The following AP1S3 variants were observed in gnomAD, a reference collection of about 807,000 sequenced individuals.
AP1S3 encodes AP-1 complex subunit sigma-3.
In AP1S3, 10 loss-of-function variants were observed where a neutral mutation model predicts 20.9. The ratio of observed to expected loss-of-function variants is 0.48; its 90% CI spans 0.29 to 0.81. The LOEUF (loss-of-function observed/expected upper bound fraction) is 0.81, where lower values mean the gene tolerates loss of function less well. Among genes scored for constraint, AP1S3 ranks in the 30% least tolerant of loss-of-function variants. The pLI, the probability that AP1S3 is intolerant of heterozygous loss-of-function variation, is 0.08. For missense variants in AP1S3, 154 were observed against 183.8 expected (o/e 0.84, Z 0.94); for synonymous variants, 41 against 61.5 (o/e 0.67, Z 1.56).
intron 1 of AP1S3, among the ~76,000 whole-genome samples, chr2:223,789,376 C>A (rs2176628): frequency 0.12 from 17,678 of 151,790 alleles, 1,313 homozygotes; most frequent in East Asian, 0.25. Flanking sequence ...GGACCCCCCC[C>A]AAAAAAATAG....
chr2:223,770,499 C>CACACACAT (rs1376716319), intron 3 of AP1S3, among the ~76,000 whole-genome samples: 1 of 147,684 alleles, frequency 6.8e-6, no homozygotes, highest in Non-Finnish European at 1.5e-5. Flanking sequence ...AGAGACAATA[C>CACACACAT]ACACACACAC....
At chr2:223,829,969 C>T (rs1692221834) in intron 1 of AP1S3, among the ~76,000 whole-genome samples, 1 of 152,144 alleles carries the variant, frequency 6.6e-6, no homozygotes, top group Non-Finnish European at 1.5e-5. Flanking sequence ...AAAATATTTA[C>T]TATCTGGCCT....
chr2:223,814,142 C>T (rs1691794258), intron 1 of AP1S3, among the ~76,000 whole-genome samples: 1 of 152,182 alleles, frequency 6.6e-6, no homozygotes, highest in Non-Finnish European at 1.5e-5. Flanking sequence ...ATACCAGTGG[C>T]TTCCGAAAAT....
chr2:223,770,531 C>CACACACACA (rs3220046), intron 3 of AP1S3, among the ~76,000 whole-genome samples: 2 of 147,368 alleles, frequency 1.4e-5, no homozygotes, highest in African/African-American at 2.6e-5. Flanking sequence ...CACACACACA[C>CACACACACA]CCCTTGATAT....
intron 1 of AP1S3, among the ~76,000 whole-genome samples, chr2:223,814,706 A>C (rs1320458699): frequency 1.3e-5 from 2 of 152,238 alleles, no homozygotes; most frequent in African/African-American, 4.8e-5. Context: ...TTAAACTAAA[A>C]AATATGACAG....
At chr2:223,824,199 T>C (rs1364507345) in intron 1 of AP1S3, among the ~76,000 whole-genome samples, 2 of 151,930 alleles carry the variant, frequency 1.3e-5, no homozygotes, top group Non-Finnish European at 2.9e-5. Flanking sequence ...GATGGGGTTT[T>C]GCCATATTGC....
chr2:223,830,184 A>G (rs1692227189), intron 1 of AP1S3, among the ~76,000 whole-genome samples: 1 of 152,158 alleles, frequency 6.6e-6, no homozygotes, highest in African/African-American at 2.4e-5. Flanking sequence ...TGTTAATACA[A>G]AAATATTTTC....
chr2:223,768,569 C>A (rs1035456911), intron 3 of AP1S3, among the ~76,000 whole-genome samples: 1 of 152,010 alleles, frequency 6.6e-6, no homozygotes, highest in African/African-American at 2.4e-5. Flanking sequence ...TAAGTAGAGG[C>A]CTTGTCTGGG....
At chr2:223,800,465 G>A (rs1480156516) in intron 1 of AP1S3, among the ~76,000 whole-genome samples, 1 of 152,018 alleles carries the variant, frequency 6.6e-6, no homozygotes, top group African/African-American at 2.4e-5. Flanking sequence ...CTGAGTTCAA[G>A]GCTGCAATGA....
intron 1 of AP1S3, among the ~76,000 whole-genome samples, chr2:223,791,516 T>C (rs1417406737): frequency 1.3e-5 from 2 of 152,126 alleles, no homozygotes; most frequent in Non-Finnish European, 2.9e-5. Flanking sequence ...ATAAACTAGA[T>C]ATTGAAGGAA....
intron 1 of AP1S3, among the ~76,000 whole-genome samples, chr2:223,822,196 C>A (rs1692002999): frequency 1.3e-5 from 2 of 151,770 alleles, no homozygotes; most frequent in African/African-American, 4.8e-5. Flanking sequence ...TCAAGACCAG[C>A]CTGGGCAATA....
intron 1 of AP1S3, among the ~76,000 whole-genome samples, chr2:223,781,302 C>T (rs1333925383): frequency 6.6e-6 from 1 of 151,886 alleles, no homozygotes; most frequent in African/African-American, 2.4e-5. Flanking sequence ...GATATGAGGC[C>T]CAAGACATCA....
chr2:223,801,817 A>C (rs1691473868), intron 1 of AP1S3, among the ~76,000 whole-genome samples: 1 of 152,160 alleles, frequency 6.6e-6, no homozygotes, highest in Non-Finnish European at 1.5e-5. Context: ...CATAAAAACA[A>C]GCAGAGAGGC....
At chr2:223,767,609 G>A (rs1690514530) in intron 3 of AP1S3, among the ~76,000 whole-genome samples, 1 of 151,764 alleles carries the variant, frequency 6.6e-6, no homozygotes, top group African/African-American at 2.4e-5. Flanking sequence ...TAGCATGCAG[G>A]TAGCTCAACA....
At chr2:223,833,887 TTTA>T (rs1457947778) in intron 1 of AP1S3, among the ~76,000 whole-genome samples, 2 of 51,590 alleles carry the variant, frequency 3.9e-5, no homozygotes, top group African/African-American at 2.3e-4. Flanking sequence ...ACTCTTTTTA[TTTA>T]TTTATTTATT....
intron 1 of AP1S3, among the ~76,000 whole-genome samples, chr2:223,783,066 A>G (rs1195710301): frequency 2.0e-5 from 3 of 152,240 alleles, no homozygotes; most frequent in African/African-American, 4.8e-5. Flanking sequence ...GACTTTTTCA[A>G]TATTTGCCAA....
intron 1 of AP1S3, among the ~76,000 whole-genome samples, chr2:223,834,043 G>T (rs1692341459): frequency 6.6e-6 from 1 of 152,006 alleles, no homozygotes; most frequent in Non-Finnish European, 1.5e-5. Context: ...CAAGTAGCTG[G>T]GATTATAGGC....
chr2:223,763,115 G>T (rs1418900645), intron 4 of AP1S3, among the ~76,000 whole-genome samples: 1 of 152,112 alleles, frequency 6.6e-6, no homozygotes, highest in Non-Finnish European at 1.5e-5. Context: ...CTCTGTATTT[G>T]GCAAGTGTTG....
chr2:223,837,556 G>A lies in AP1S3; in HGVS notation c.-106C>T. ...GTGCGGCTGACAGGTGAGGCGCCCG[G>A]CTTAGACCATGGCTGCTTCCCACAA... On this transcript the variant is annotated 5_prime_UTR_variant, in exon 1 of 5. Transcript: ENST00000396654. 2 of 687,952 alleles carry A rather than the reference G, an allele frequency of 2.9e-6. No homozygotes were observed. Among genetic ancestry groups the A allele is most frequent in the Non-Finnish European group, 4.1e-6 (2 of 488,016 alleles). The allele number at this position is 687,952 out of a possible 1,614,324, so 42.6% of individuals were successfully genotyped here. A position where few individuals can be genotyped will look rare whatever the true frequency, so the allele number is the denominator to read the frequency against.
Sources: allele counts gnomAD v4.1 joint callset (sites outside exome capture counted in the v4.1 genomes callset), GRCh38; gene constraint gnomAD v4.1.1; transcripts MANE v1.5; gene names NCBI Gene and HGNC (gene_info 2026-07-23, HGNC 2026-07-21).